Variants in TSHZ2 observed in about 807,000 individuals in gnomAD.
The protein encoded by TSHZ2 is teashirt homolog 2.
Under a neutral mutation model 74.4 loss-of-function variants are expected in TSHZ2, and 21 were observed. The observed-to-expected ratio is 0.28, with a 90% CI of 0.20 to 0.41. TSHZ2 has a LOEUF of 0.41. TSHZ2 is among the 10% of genes least tolerant of loss of function. The pLI is 1.00. For synonymous variants in TSHZ2, 540 were observed against 515.3 expected (o/e 1.05, Z -0.65); for missense variants, 1,244 against 1,293.5 (o/e 0.96, Z 0.59).
intron 2 of TSHZ2, among the ~76,000 whole-genome samples, chr20:53,265,833 C>T (rs1990704596): frequency 1.3e-5 from 2 of 152,238 alleles, no homozygotes. Flanking sequence ...AAGACTTCTT[C>T]AGGACAGAGA....
intron 2 of TSHZ2, among the ~76,000 whole-genome samples, chr20:53,317,602 A>G (rs1168811441): frequency 1.3e-5 from 2 of 152,216 alleles, no homozygotes; most frequent in African/African-American, 4.8e-5. Context: ...AAACATCAGC[A>G]TGCAGGCCTC....
chr20:53,295,220 A>G lies in TSHZ2; in HGVS notation c.*8+38649A>G, dbSNP rs199969145. On this transcript the variant is annotated intron_variant, in intron 2 of 2. Coordinates refer to ENST00000371497, the MANE Select transcript of TSHZ2 (RefSeq NM_173485.6). ...CAAAGCCAGACCTCCTGGTTGCAGG[A>G]TAGCACAGTTATAAAAAATTTGCGT... 3.3e-5 allele frequency among the ~76,000 whole-genome samples: 5 copies of G among 152,328 alleles called. No homozygotes were observed. In the East Asian group the frequency reaches 9.6e-4, roughly 29 times the overall value.
chr20:53,167,939 G>A (rs1226645378), intron 1 of TSHZ2, among the ~76,000 whole-genome samples: 1 of 152,162 alleles, frequency 6.6e-6, no homozygotes, highest in African/African-American at 2.4e-5. Flanking sequence ...AAAGTCCCTG[G>A]TACATTTCTG....
At chr20:53,466,171 C>T (rs1047511900) in intron 2 of TSHZ2, among the ~76,000 whole-genome samples, 6 of 151,130 alleles carry the variant, frequency 4.0e-5, no homozygotes, top group Admixed American at 1.3e-4. Flanking sequence ...TCACTTGAAC[C>T]GGGGAGGCAG....
At chr20:53,364,691 A>G (rs1307962849) in intron 2 of TSHZ2, among the ~76,000 whole-genome samples, 2 of 152,368 alleles carry the variant, frequency 1.3e-5, no homozygotes, top group East Asian at 1.9e-4. Context: ...GAAATTTCCC[A>G]GATAGAAAAG....
intron 2 of TSHZ2, among the ~76,000 whole-genome samples, chr20:53,385,660 G>T (rs1982017897): frequency 6.6e-6 from 1 of 152,104 alleles, no homozygotes; most frequent in Non-Finnish European, 1.5e-5. Context: ...TTTAACCCAG[G>T]GTTCCCAAGC....
At chr20:53,117,622 G>A (rs1986705860) in intron 1 of TSHZ2, among the ~76,000 whole-genome samples, 1 of 152,238 alleles carries the variant, frequency 6.6e-6, no homozygotes, top group African/African-American at 2.4e-5. Flanking sequence ...ATAGGAGCCA[G>A]TTGTGCAAAT....
intron 1 of TSHZ2, chr20:53,178,977 G>A (rs1382487478): frequency 6.6e-6 from 1 of 152,156 alleles, no homozygotes; most frequent in Non-Finnish European, 1.5e-5. Flanking sequence ...CCACTCATGC[G>A]AAACATAAGC....
In TSHZ2 at chr20:53,493,600, G is replaced by A. The variant is rs542672824; in HGVS notation, c.*6465G>A. 3 of 152,204 alleles carry A rather than the reference G, an allele frequency of 2.0e-5. No homozygotes were observed. In the East Asian group the frequency reaches 5.8e-4, roughly 29 times the overall value. The allele number at this position is 152,204 out of a possible 1,614,324, so 9.4% of individuals were successfully genotyped here. A position where few individuals can be genotyped will look rare whatever the true frequency, so the allele number is the denominator to read the frequency against. On this transcript the variant is annotated 3_prime_UTR_variant, in exon 3 of 3. Transcript: ENST00000371497. ...CGGTTGCTGTTGTAATGGGGCCCCAGGCCATTCCTGACATCGGCGTGTTCT... is the reference window on the plus strand; with the variant it reads ...CGGTTGCTGTTGTAATGGGGCCCCAAGCCATTCCTGACATCGGCGTGTTCT...
At chr20:53,382,734 G>T (rs564213687) in intron 2 of TSHZ2, among the ~76,000 whole-genome samples, 1 of 152,332 alleles carries the variant, frequency 6.6e-6, no homozygotes, top group South Asian at 2.1e-4. Flanking sequence ...TTCTGAAGAT[G>T]AATTAATAGT....
intron 1 of TSHZ2, among the ~76,000 whole-genome samples, chr20:53,042,190 A>G (rs768365026): frequency 6.6e-6 from 1 of 152,222 alleles, no homozygotes; most frequent in Non-Finnish European, 1.5e-5. Flanking sequence ...ATAAGCATCG[A>G]GTGATTCAAA....
chr20:53,327,586 C>T (rs149809378), intron 2 of TSHZ2, among the ~76,000 whole-genome samples: 91 of 152,280 alleles, frequency 6.0e-4, no homozygotes, highest in Admixed American at 3.1e-3. Flanking sequence ...TCCAGAGATG[C>T]GATATTAGTC....
chr20:53,037,878 C>A (rs1160847418), intron 1 of TSHZ2, among the ~76,000 whole-genome samples: 2 of 152,070 alleles, frequency 1.3e-5, no homozygotes, highest in East Asian at 1.9e-4. Context: ...ATGAGATGCA[C>A]AGGGGCCTGT....
intron 1 of TSHZ2, among the ~76,000 whole-genome samples, chr20:53,048,891 TC>T (rs1369796321): frequency 6.6e-6 from 1 of 152,158 alleles, no homozygotes; most frequent in Non-Finnish European, 1.5e-5. Context: ...AACAACAAAC[TC>T]TGCACATTTT....
chr20:53,462,112 G>A (rs1452980452), intron 2 of TSHZ2, among the ~76,000 whole-genome samples: 1 of 152,066 alleles, frequency 6.6e-6, no homozygotes, highest in Admixed American at 6.6e-5. Context: ...AAACTAGCAG[G>A]GCATGGTGGC....
intron 2 of TSHZ2, among the ~76,000 whole-genome samples, chr20:53,286,719 T>C (rs963298210): frequency 5.3e-5 from 8 of 152,060 alleles, no homozygotes; most frequent in African/African-American, 1.9e-4. Flanking sequence ...TGAGGTCCTT[T>C]CTCTACAAAA....
chr20:53,259,166 T>C (rs1377259445), intron 2 of TSHZ2, among the ~76,000 whole-genome samples: 1 of 152,234 alleles, frequency 6.6e-6, no homozygotes, highest in East Asian at 1.9e-4. Context: ...TGTCTGGAAC[T>C]CTAATCTTAG....
intron 1 of TSHZ2, chr20:53,196,286 G>C (rs1393220779): frequency 1.4e-5 from 2 of 146,452 alleles, no homozygotes; most frequent in East Asian, 4.2e-4. Flanking sequence ...AATATTGTCT[G>C]TCCCTAGAAT....
At chr20:53,118,383 G>T (rs998473953) in intron 1 of TSHZ2, among the ~76,000 whole-genome samples, 2 of 152,136 alleles carry the variant, frequency 1.3e-5, no homozygotes, top group Non-Finnish European at 2.9e-5. Flanking sequence ...AGGGATTTAG[G>T]TGCTGGTGAT....
Sources: gnomAD v4.1 joint callset for allele counts (sites outside exome capture counted in the v4.1 genomes callset) on GRCh38, gnomAD v4.1.1 for gene constraint, MANE v1.5 for transcripts, NCBI Gene and HGNC (gene_info 2026-07-23, HGNC 2026-07-21) for gene names.